DSE: variants seen among roughly 807,000 people sequenced by gnomAD.
DSE encodes the protein dermatan-sulfate epimerase.
A neutral mutation model predicts 84.4 loss-of-function variants in DSE; 36 were observed. That is an observed-to-expected ratio of 0.43 (90% CI 0.33 to 0.56). The LOEUF is 0.56. DSE is among the 20% of genes least tolerant of loss of function. The pLI is 0.06. For synonymous variants in DSE, 410 were observed against 430.1 expected (o/e 0.95, Z 0.58); for missense variants, 862 against 1,169.6 (o/e 0.74, Z 3.84).
intron 2 of DSE, among the ~76,000 whole-genome samples, chr6:116,343,743 A>C (rs1777768648): frequency 6.6e-6 from 1 of 152,250 alleles, no homozygotes; most frequent in Non-Finnish European, 1.5e-5. Context: ...AAAGGAATGC[A>C]GTTCCTCGCC....
intron 2 of DSE, among the ~76,000 whole-genome samples, chr6:116,354,280 TTG>T (rs1778466911): frequency 6.6e-6 from 1 of 152,196 alleles, no homozygotes. Context: ...TGAAAGCCTG[TTG>T]TGTGTTATGT....
At chr6:116,406,682 A>G (rs1203903458) in intron 2 of DSE, among the ~76,000 whole-genome samples, 2 of 152,188 alleles carry the variant, frequency 1.3e-5, no homozygotes, top group African/African-American at 4.8e-5. Flanking sequence ...TACCTTAGGT[A>G]TCTTAAGAAT....
At chr6:116,258,757 C>A in exon 2 of DSE, 2 of 1,609,806 alleles carry the variant, frequency 1.2e-6, no homozygotes, top group Non-Finnish European at 1.7e-6. Flanking sequence ...CTCCCGGGGA[C>A]CACTGTTGAT....
chr6:116,330,946 T>C (rs912978555), intron 2 of DSE, among the ~76,000 whole-genome samples: 2 of 152,204 alleles, frequency 1.3e-5, no homozygotes, highest in Non-Finnish European at 2.9e-5. Flanking sequence ...AAGTTGAGTT[T>C]GTTGCAATTA....
rs138294109 is a variant in DSE, at chr6:116,396,687, A to G, written c.-53-2511A>G. Among the ~76,000 whole-genome samples, 5 of 152,308 alleles carry G rather than the reference A, an allele frequency of 3.3e-5. No individual in the cohort carries two copies. The East Asian group carries it at 5.8e-4, about 18-fold the overall frequency. ...CAGGATCAGCTTTTCTGGTTTAAATATATTCAGACATATCCTACGTAACTG... is the reference window on the plus strand; with the variant it reads ...CAGGATCAGCTTTTCTGGTTTAAATGTATTCAGACATATCCTACGTAACTG... On this transcript the variant is annotated intron_variant, in intron 1 of 5. Transcript: ENST00000644252.
At chr6:116,386,144 T>C (rs1327978047) in intron 1 of DSE, among the ~76,000 whole-genome samples, 1 of 152,240 alleles carries the variant, frequency 6.6e-6, no homozygotes, top group Admixed American at 6.5e-5. Context: ...AACAGCAACA[T>C]TCTTAGTCAT....
chr6:116,356,654 A>G (rs1778586536), intron 2 of DSE, among the ~76,000 whole-genome samples: 1 of 152,192 alleles, frequency 6.6e-6, no homozygotes. Context: ...TTTGCGAATG[A>G]CGAAACAGGT....
intron 2 of DSE, chr6:116,278,503 C>T: frequency 6.2e-7 from 1 of 1,613,674 alleles, no homozygotes; most frequent in Non-Finnish European, 8.5e-7. Context: ...CAGGAGTATT[C>T]CCAAGGGCAA....
intron 1 of DSE, among the ~76,000 whole-genome samples, chr6:116,395,197 G>A (rs1016630208): frequency 2.6e-5 from 4 of 151,540 alleles, no homozygotes; most frequent in Admixed American, 6.6e-5. Flanking sequence ...AGGCCGAGGC[G>A]GGTGGATCAC....
At chr6:116,343,350 A>G (rs187749420) in intron 2 of DSE, among the ~76,000 whole-genome samples, 169 of 152,356 alleles carry the variant, frequency 1.1e-3, no homozygotes, top group African/African-American at 3.6e-3. Context: ...TGCCTCCTCA[A>G]GTGGGTCCCT....
At chr6:116,403,869 A>C (rs1781754999) in intron 2 of DSE, among the ~76,000 whole-genome samples, 1 of 152,178 alleles carries the variant, frequency 6.6e-6, no homozygotes, top group African/African-American at 2.4e-5. Context: ...TTATTTCTTT[A>C]CACCAGACTG....
rs2640851 is a variant in DSE at position 116,360,096 on chromosome 6, C to T, written c.-53-39102C>T. Among the ~76,000 whole-genome samples, 316 of 152,256 alleles carry T rather than the reference C, an allele frequency of 2.1e-3. 4 individuals are homozygous for T. The highest frequency in any genetic ancestry group is 7.3e-3 in the African/African-American group (302 of 41,560). On this transcript the variant is annotated intron_variant, in intron 2 of 3. Transcript: ENST00000430252. The stretch of plus-strand genomic sequence containing the variant: ...GGAGTCATTATCCTCAGCAAACTAA[C>T]GCAGGAACAGAAAACCAAACACCGC...
chr6:116,292,677 A>G (rs1253365931), intron 2 of DSE, among the ~76,000 whole-genome samples: 1 of 152,178 alleles, frequency 6.6e-6, no homozygotes, highest in African/African-American at 2.4e-5. Flanking sequence ...ACAAACAAAA[A>G]AAAAGAAAAC....
intron 2 of DSE, among the ~76,000 whole-genome samples, chr6:116,409,377 T>C (rs973646672): frequency 2.6e-5 from 4 of 152,090 alleles, no homozygotes; most frequent in Non-Finnish European, 5.9e-5. Context: ...CCTGGGTTCA[T>C]GCCATTCTCC....
At chr6:116,315,570 T>A (rs896579626) in intron 2 of DSE, among the ~76,000 whole-genome samples, 1 of 152,134 alleles carries the variant, frequency 6.6e-6, no homozygotes, top group Non-Finnish European at 1.5e-5. Flanking sequence ...GAGTTGGGAA[T>A]TGGTCCCAGG....
chr6:116,318,482 A>G (rs1400042732), intron 2 of DSE, among the ~76,000 whole-genome samples: 4 of 150,152 alleles, frequency 2.7e-5, no homozygotes, highest in African/African-American at 9.8e-5. Context: ...AGGCTGGGCA[A>G]CAGAGTGAGA....
intron 1 of DSE, among the ~76,000 whole-genome samples, chr6:116,394,224 C>T (rs1467265698): frequency 6.6e-6 from 1 of 152,196 alleles, no homozygotes; most frequent in Non-Finnish European, 1.5e-5. Context: ...TTCTGTGTGA[C>T]TGCTGAATCA....
chr6:116,345,669 A>G (rs1476477167), intron 2 of DSE, among the ~76,000 whole-genome samples: 1 of 151,862 alleles, frequency 6.6e-6, no homozygotes, highest in Admixed American at 6.6e-5. Flanking sequence ...GAAAGCAGGA[A>G]AGATCTAAAA....
intron 2 of DSE, among the ~76,000 whole-genome samples, chr6:116,271,113 TTTTGC>T (rs1200045315): frequency 1.3e-5 from 2 of 152,344 alleles, no homozygotes; most frequent in Middle Eastern, 3.4e-3. Context: ...AAATGTCTTG[TTTTGC>T]TTTATTTTGT....
Sources: gnomAD v4.1 joint callset for allele counts (sites outside exome capture counted in the v4.1 genomes callset) on GRCh38, gnomAD v4.1.1 for gene constraint, MANE v1.5 for transcripts, NCBI Gene and HGNC (gene_info 2026-07-23, HGNC 2026-07-21) for gene names.